Variants in SPPL3 observed in about 807,000 individuals in gnomAD.
SPPL3 encodes the protein signal peptide peptidase-like 3.
SPPL3 carries 5 observed loss-of-function variants against 42.4 expected under a neutral mutation model. The ratio of observed to expected loss-of-function variants is 0.12; its 90% CI spans 0.06 to 0.25. The LOEUF (loss-of-function observed/expected upper bound fraction) is 0.25, where lower values mean the gene tolerates loss of function less well. Ranked by LOEUF, SPPL3 falls within the 10% of genes least tolerant of loss-of-function variation. The probability of loss-of-function intolerance (pLI) is 1.00; values close to 1 mark genes in which losing one functional copy is unlikely to be tolerated. For missense variants in SPPL3, 235 were observed against 489.0 expected, an observed-to-expected ratio of 0.48 and a Z score of 4.90; for synonymous variants, 195 against 181.8, an observed-to-expected ratio of 1.07 and a Z score of -0.58.
intron 1 of SPPL3, among the ~76,000 whole-genome samples, chr12:120,884,795 G>GTT (rs144305547): frequency 5.3e-4 from 63 of 117,986 alleles, no homozygotes; most frequent in African/African-American, 1.6e-3. Flanking sequence ...GTTTTTTTGG[G>GTT]TTTTTTTTTT....
At chr12:120,812,929 A>G (rs1188076166) in intron 1 of SPPL3, among the ~76,000 whole-genome samples, 1 of 152,226 alleles carries the variant, frequency 6.6e-6, no homozygotes, top group Non-Finnish European at 1.5e-5. Flanking sequence ...TAGGAGGGAG[A>G]CGTTGCCAAC....
chr12:120,812,556 T>C (rs191992056), intron 1 of SPPL3, among the ~76,000 whole-genome samples: 17 of 152,306 alleles, frequency 1.1e-4, no homozygotes, highest in Admixed American at 5.9e-4. Context: ...ACTGAAGTCA[T>C]AGGTGTGTGT....
At chr12:120,891,736 T>TAAAAA (rs5801407) in intron 1 of SPPL3, among the ~76,000 whole-genome samples, 1 of 134,648 alleles carries the variant, frequency 7.4e-6, no homozygotes. Context: ...TTGCAAATTC[T>TAAAAA]AAAAAAAAAA....
intron 1 of SPPL3, among the ~76,000 whole-genome samples, chr12:120,879,648 T>A (rs1360989494): frequency 1.3e-5 from 2 of 151,998 alleles, no homozygotes; most frequent in Non-Finnish European, 2.9e-5. Flanking sequence ...TGATTAAAGG[T>A]TCTCATTATC....
At chr12:120,773,348 G>T (rs781560503) in intron 6 of SPPL3, among the ~76,000 whole-genome samples, 15 of 152,222 alleles carry the variant, frequency 9.9e-5, no homozygotes, top group Admixed American at 9.8e-4. Context: ...TGAGACACAG[G>T]TTTGTGTATA....
chr12:120,862,949 T>C (rs1352354473), intron 1 of SPPL3, among the ~76,000 whole-genome samples: 1 of 152,174 alleles, frequency 6.6e-6, no homozygotes, highest in Non-Finnish European at 1.5e-5. Flanking sequence ...GGACTTCTCA[T>C]GAATAACAAA....
At chr12:120,843,464 C>T (rs1049866834) in intron 1 of SPPL3, among the ~76,000 whole-genome samples, 2 of 152,086 alleles carry the variant, frequency 1.3e-5, no homozygotes, top group African/African-American at 2.4e-5. Flanking sequence ...TCTGACACTC[C>T]CTCCTTCTTG....
chr12:120,842,923 CCTG>C (rs1480083939), intron 1 of SPPL3, among the ~76,000 whole-genome samples: 7 of 152,082 alleles, frequency 4.6e-5, no homozygotes, highest in Admixed American at 4.6e-4. Flanking sequence ...TGCAGAAGGA[CCTG>C]CTGATTAGTG....
chr12:120,763,808 C>CTT lies in SPPL3; in HGVS notation c.*1189_*1190dup, dbSNP rs3078034. The CTT allele has an allele frequency of 1.0e-4, 14 of 140,174 alleles. No individual in the cohort carries two copies. Among genetic ancestry groups the CTT allele is most frequent in the African/African-American group, 2.4e-4 (9 of 37,320 alleles). 8.7% of individuals were successfully genotyped at this position (140,174 alleles called of 1,614,324 possible). A position where few individuals can be genotyped will look rare whatever the true frequency, so the allele number is the denominator to read the frequency against. The stretch of plus-strand genomic sequence containing the variant: ...AGGACAGGATTGTGTTGCTTTTTTC[C>CTT]TTTTTTTTTTTCTTAAAGGAGTGAG... On this transcript the variant is annotated 3_prime_UTR_variant, in exon 11 of 11. Coordinates refer to ENST00000353487, the MANE Select transcript of SPPL3 (RefSeq NM_139015.5).
intron 1 of SPPL3, among the ~76,000 whole-genome samples, chr12:120,815,743 T>C (rs1413410100): frequency 1.3e-5 from 2 of 152,144 alleles, no homozygotes. Context: ...ATTTTATTTT[T>C]TGAGACAGAG....
intron 1 of SPPL3, chr12:120,903,465 C>A (rs1022495360): frequency 4.1e-6 from 1 of 244,598 alleles, no homozygotes; most frequent in South Asian, 5.1e-5. Flanking sequence ...CCTCTCTCCA[C>A]CCCTTCGAGT....
intron 2 of SPPL3, among the ~76,000 whole-genome samples, chr12:120,808,695 A>T (rs1226353004): frequency 6.6e-6 from 1 of 152,242 alleles, no homozygotes; most frequent in African/African-American, 2.4e-5. Flanking sequence ...TCAAATTACT[A>T]AAATGATATG....
At chr12:120,848,938 G>A (rs1315426617) in intron 1 of SPPL3, among the ~76,000 whole-genome samples, 1 of 146,764 alleles carries the variant, frequency 6.8e-6, no homozygotes, top group African/African-American at 2.5e-5. Flanking sequence ...TTTTTTTTTT[G>A]GCCATCTTTC....
intron 1 of SPPL3, among the ~76,000 whole-genome samples, chr12:120,871,296 GAAA>G (rs201749010): frequency 3.3e-5 from 5 of 151,832 alleles, no homozygotes; most frequent in Admixed American, 3.3e-4. Flanking sequence ...AAAGTAAAAA[GAAA>G]AAAAGCTGGC....
intron 2 of SPPL3, among the ~76,000 whole-genome samples, chr12:120,792,867 A>C (rs1178541656): frequency 6.6e-6 from 1 of 152,136 alleles, no homozygotes; most frequent in Non-Finnish European, 1.5e-5. Context: ...TTTTAGATAA[A>C]AACACATGGT....
chr12:120,776,609 CAG>C (rs1191486237), intron 6 of SPPL3, among the ~76,000 whole-genome samples: 4 of 151,774 alleles, frequency 2.6e-5, no homozygotes, highest in Admixed American at 6.6e-5. Flanking sequence ...TATTAGTAAA[CAG>C]GCATTTTTTC....
chr12:120,800,471 C>A (rs1297535607), intron 2 of SPPL3, among the ~76,000 whole-genome samples: 1 of 151,956 alleles, frequency 6.6e-6, no homozygotes, highest in African/African-American at 2.4e-5. Context: ...CCACTTCACT[C>A]CACCCTGGGC....
chr12:120,867,789 A>G (rs1310804882), intron 1 of SPPL3, among the ~76,000 whole-genome samples: 3 of 151,982 alleles, frequency 2.0e-5, no homozygotes, highest in Non-Finnish European at 2.9e-5. Context: ...TCTGTTGTCC[A>G]GGCTAAAGTG....
intron 1 of SPPL3, among the ~76,000 whole-genome samples, chr12:120,833,768 TG>T (rs1871515989): frequency 1.1e-3 from 1 of 892 alleles, no homozygotes; most frequent in Non-Finnish European, 0.042. Context: ...AGTTTTAAAG[TG>T]TGTGTGTGTG....
Sources: allele counts gnomAD v4.1 joint callset (sites outside exome capture counted in the v4.1 genomes callset), GRCh38; gene constraint gnomAD v4.1.1; transcripts MANE v1.5; gene names NCBI Gene and HGNC (gene_info 2026-07-23, HGNC 2026-07-21).